The following BAHCC1 variants were observed in gnomAD, a reference collection of about 807,000 sequenced individuals.
BAHCC1 encodes the protein BAH domain and coiled-coil containing 1, also known as BAH and coiled-coil domain-containing protein 1.
Under a neutral mutation model 88.2 loss-of-function variants are expected in BAHCC1, and 43 were observed. The ratio of observed to expected loss-of-function variants is 0.49; its 90% CI spans 0.38 to 0.63. BAHCC1 has a LOEUF of 0.63. Ranked by LOEUF, BAHCC1 falls within the 20% of genes least tolerant of loss-of-function variation. The pLI is 0.00. For synonymous variants in BAHCC1, 1,510 were observed against 745.5 expected, an observed-to-expected ratio of 2.03 and a Z score of -16.71; for missense variants, 3,023 against 1,654.8, an observed-to-expected ratio of 1.83 and a Z score of -14.34.
rs782477993 is a variant in BAHCC1, at chr17:81,461,459, C to T, written c.6796C>T (p.Pro2266Ser). 4 of 742,446 alleles carry T rather than the reference C, an allele frequency of 5.4e-6. No homozygotes were observed. Among genetic ancestry groups the T allele is most frequent in the African/African-American group, 3.4e-5 (2 of 58,616 alleles). The allele number at this position is 742,446 out of a possible 1,614,324, so 46.0% of individuals were successfully genotyped here. A position where few individuals can be genotyped will look rare whatever the true frequency, so the allele number is the denominator to read the frequency against. ...GGGGCGGGCACCCATCCCCCCGCTG[C>T]CCATGGGGCTGGCGCTGCGCAAGTA... ...KKGRAPIPPL[P>S]MGLALRKYAG... The change falls in exon 26 of 28, where the codon CCC becomes TCC. Residue 2266 changes from proline to serine, a missense_variant. Pro to Ser is a moderately conservative substitution (Grantham distance 74, BLOSUM62 -1). Transcript: ENST00000675386.
intron 13 of BAHCC1, among the ~76,000 whole-genome samples, chr17:81,452,396 C>T (rs1598501280): frequency 1.4e-5 from 2 of 143,144 alleles, no homozygotes; most frequent in African/African-American, 2.7e-5. Context: ...GGTGAGGGGA[C>T]AGTGGCAGAA....
At chr17:81,398,123 T>C (rs2063765356) in intron 1 of BAHCC1, among the ~76,000 whole-genome samples, 1 of 152,220 alleles carries the variant, frequency 6.6e-6, no homozygotes, top group Admixed American at 6.5e-5. Flanking sequence ...TAATTAGGAA[T>C]ATCAAGCCTA....
intron 3 of BAHCC1, among the ~76,000 whole-genome samples, chr17:81,428,447 C>A (rs1972579675): frequency 6.6e-6 from 1 of 152,178 alleles, no homozygotes; most frequent in Admixed American, 6.5e-5. Context: ...CCTGGCCCAG[C>A]CACAGGTGCA....
At chr17:81,407,546 C>T (rs2063896589) in intron 2 of BAHCC1, among the ~76,000 whole-genome samples, 1 of 152,204 alleles carries the variant, frequency 6.6e-6, no homozygotes, top group Non-Finnish European at 1.5e-5. Flanking sequence ...GACCGGAGAC[C>T]CAAGAGACCT....
intron 5 of BAHCC1, 47 bp from the exon 6 acceptor site, chr17:81,443,762 C>T (rs1555653430): frequency 2.9e-6 from 2 of 701,510 alleles, no homozygotes; most frequent in Non-Finnish European, 2.6e-6. Flanking sequence ...CTGGTGGCTC[C>T]CTGGCCGCCC....
chr17:81,425,982 G>A lies in BAHCC1; in HGVS notation c.179-818G>A, dbSNP rs369460537. On this transcript the variant is annotated intron_variant, in intron 2 of 27. Coordinates refer to ENST00000675386, the MANE Select transcript of BAHCC1 (RefSeq NM_001377448.1). ...GATGTGGTTGGTGGTGATAGTGGTG[G>A]GTGTGGTTGGTGATGATGTGGTTGG... Among the ~76,000 whole-genome samples the A allele has an allele frequency of 2.7e-5, 4 of 146,168 alleles. No individual in the cohort carries two copies. The East Asian group carries it at 8.8e-4, about 32-fold the overall frequency.
intron 2 of BAHCC1, among the ~76,000 whole-genome samples, chr17:81,421,337 G>A (rs1185129351): frequency 1.3e-5 from 2 of 152,242 alleles, no homozygotes; most frequent in African/African-American, 2.4e-5. Flanking sequence ...GCCACTGGTC[G>A]GCGGGGGGGC....
chr17:81,400,287 A>G (rs1256766553), intron 2 of BAHCC1, among the ~76,000 whole-genome samples: 1 of 152,178 alleles, frequency 6.6e-6, no homozygotes, highest in African/African-American at 2.4e-5. Flanking sequence ...GGCTGGGACA[A>G]CGAGGCGCTT....
intron 10 of BAHCC1, among the ~76,000 whole-genome samples, chr17:81,446,094 G>A (rs1555654256): frequency 6.6e-6 from 1 of 152,084 alleles, no homozygotes; most frequent in Non-Finnish European, 1.5e-5. Flanking sequence ...GCCTGGGTGG[G>A]GGGGTCTCGG....
chr17:81,448,962 G>T (rs2064583263), intron 11 of BAHCC1, among the ~76,000 whole-genome samples: 1 of 152,180 alleles, frequency 6.6e-6, no homozygotes, highest in Non-Finnish European at 1.5e-5. Context: ...GGCAGGGCCT[G>T]AGCTGCCAGG....
intron 2 of BAHCC1, among the ~76,000 whole-genome samples, chr17:81,405,696 G>A (rs1234020051): frequency 6.6e-6 from 1 of 152,114 alleles, no homozygotes; most frequent in African/African-American, 2.4e-5. Flanking sequence ...TTGCTCCATC[G>A]TGCCCCCCTG....
Position 81,399,886 on chromosome 17 carries a change from C to G in BAHCC1, c.147C>G (p.Phe49Leu), listed in dbSNP as rs1555645752. ...PPAHFQPGKY[F>L]PSPLPMASHT... ...CACACTTCCAGCCGGGAAAGTACTT[C>G]CCGTCGCCGTTGCCCATGGCTTCGC... Residue 49 changes from phenylalanine to leucine, a missense_variant, in exon 2 of 28, where the codon TTC becomes TTG. Transcript: ENST00000675386. This position sits in a 1 kb window ranked among gnomAD's most constrained non-coding sequence, Gnocchi z 4.5. The G allele has an allele frequency of 1.3e-5, 19 of 1,450,634 alleles. No homozygotes were observed. Among genetic ancestry groups the G allele is most frequent in the African/African-American group, 3.0e-5 (2 of 67,358 alleles). 89.9% of individuals were successfully genotyped at this position (1,450,634 alleles called of 1,614,324 possible).
At position 81,399,143 on chromosome 17, in the gene BAHCC1, G is replaced by GTA; in HGVS notation, c.-206-390_-206-389insAT. On this transcript the variant is annotated intron_variant, in intron 1 of 27. Coordinates refer to ENST00000675386, the MANE Select transcript of BAHCC1 (RefSeq NM_001377448.1). The surrounding 1 kb of genome is among the most constrained non-coding windows in gnomAD (Gnocchi z 4.5). ...TGTGCGTGTGAGTGTGTGTGTGTGT[G>GTA]TGTGTGTGTGCGAGTGTGCGTGATG... 1 of 377,060 alleles carries GTA rather than the reference G, an allele frequency of 2.7e-6. No individual in the cohort carries two copies. Among genetic ancestry groups the GTA allele is most frequent in the Non-Finnish European group, 5.4e-6 (1 of 185,568 alleles). 23.4% of individuals were successfully genotyped at this position (377,060 alleles called of 1,614,324 possible). A position where few individuals can be genotyped will look rare whatever the true frequency, so the allele number is the denominator to read the frequency against.
chr17:81,459,054 C>T lies in BAHCC1; in HGVS notation c.5606C>T (p.Ala1869Val), dbSNP rs782270396. The stretch of plus-strand genomic sequence containing the variant: ...GGCCGCTGACACCTTGTGCCCACAG[C>T]GCGCTCGTGTGCCATCCACAAGGAG... ...PLSAEQSAAL[A>V]RSCAIHKEDL... The change falls in exon 21 of 28, where the codon GCG becomes GTG. Residue 1869 changes from alanine (A) to valine (V), a missense_variant and splice_region_variant. Transcript: ENST00000675386. 41 of 754,046 alleles carry T rather than the reference C, an allele frequency of 5.4e-5. No homozygotes were observed. Among genetic ancestry groups the T allele is most frequent in the Non-Finnish European group, 7.4e-5 (30 of 406,130 alleles). 46.7% of individuals were successfully genotyped at this position (754,046 alleles called of 1,614,324 possible).
intron 6 of BAHCC1, 191 bp downstream of exon 6, chr17:81,444,108 C>T (rs1461506179): frequency 1.7e-6 from 1 of 604,876 alleles, no homozygotes; most frequent in Non-Finnish European, 2.9e-6. Flanking sequence ...CTCAGTTAAC[C>T]CCTTGCAGCG....
rs529616764 is a variant in BAHCC1 at position 81,452,080 on chromosome 17, C to T, written c.4289C>T (p.Ala1430Val). 9.5e-6 allele frequency: 6 copies of T among 632,112 alleles called. No homozygotes were observed. Among genetic ancestry groups the T allele is most frequent in the African/African-American group, 9.4e-5 (5 of 53,336 alleles). 39.2% of individuals were successfully genotyped at this position (632,112 alleles called of 1,614,324 possible). The change falls in exon 13 of 28, where the codon GCC becomes GTC. Residue 1430 changes from alanine (A) to valine (V), a missense_variant. Transcript: ENST00000675386. Reference sequence around the variant, plus strand: ...TACAAGGAGAAGCAGCGGGAGCTGGCCCGCCTGCAGCGCAAGCACGACCAT... The same window carrying T: ...TACAAGGAGAAGCAGCGGGAGCTGGTCCGCCTGCAGCGCAAGCACGACCAT... ...RRYKEKQREL[A>V]RLQRKHDHER... is the part of the protein sequence containing the mutation.
chr17:81,406,246 T>C (rs1555646860), intron 2 of BAHCC1, among the ~76,000 whole-genome samples: 1 of 152,050 alleles, frequency 6.6e-6, no homozygotes, highest in African/African-American at 2.4e-5. Flanking sequence ...GACAGCCTCC[T>C]TGAGGGGAGA....
intron 4 of BAHCC1, 47 bp from the exon 5 acceptor site, chr17:81,441,784 G>A (rs782494007): frequency 1.9e-6 from 1 of 518,418 alleles, no homozygotes; most frequent in South Asian, 4.1e-5. Flanking sequence ...TCTTTCTCCA[G>A]CCTCACCCCT....
intron 14 of BAHCC1, 92 bp downstream of exon 14, chr17:81,452,943 C>T (rs2064671755): frequency 4.9e-6 from 3 of 618,018 alleles, no homozygotes; most frequent in Non-Finnish European, 2.8e-6. Context: ...CTGAGGCTTC[C>T]AGGCTGCTGG....
Sources: gnomAD v4.1 joint callset for allele counts (sites outside exome capture counted in the v4.1 genomes callset) on GRCh38, gnomAD v4.1.1 for gene constraint, Gnocchi (gnomAD v3.1) non-coding constraint, MANE v1.5 for transcripts, NCBI Gene and HGNC (gene_info 2026-07-23, HGNC 2026-07-21) for gene names.